MAGI2: variants seen among roughly 807,000 people sequenced by gnomAD.
MAGI2 encodes the protein membrane-associated guanylate kinase, WW and PDZ domain-containing protein 2.
A neutral mutation model predicts 133.3 loss-of-function variants in MAGI2; 35 were observed. The ratio of observed to expected loss-of-function variants is 0.26; its 90% CI spans 0.20 to 0.35. MAGI2 has a LOEUF of 0.35. Ranked by LOEUF, MAGI2 falls within the 10% of genes least tolerant of loss-of-function variation. The probability of loss-of-function intolerance (pLI) is 1.00; values close to 1 mark genes in which losing one functional copy is unlikely to be tolerated. For synonymous variants in MAGI2, 729 were observed against 710.6 expected, an observed-to-expected ratio of 1.03 and a Z score of -0.41; for missense variants, 1,636 against 1,863.4, an observed-to-expected ratio of 0.88 and a Z score of 2.25.
At chr7:79,210,665 C>T (rs915569338) in intron 1 of MAGI2, among the ~76,000 whole-genome samples, 4 of 152,042 alleles carry the variant, frequency 2.6e-5, no homozygotes, top group African/African-American at 9.7e-5. Flanking sequence ...CTCATGTGCG[C>T]ATGCCATCTG....
At chr7:78,314,148 G>A (rs532838319) in intron 9 of MAGI2, among the ~76,000 whole-genome samples, 1 of 152,264 alleles carries the variant, frequency 6.6e-6, no homozygotes, top group South Asian at 2.1e-4. Context: ...AAATAAGACT[G>A]TAATGGACTC....
At chr7:78,836,218 T>G (rs1791607330) in intron 2 of MAGI2, among the ~76,000 whole-genome samples, 1 of 152,168 alleles carries the variant, frequency 6.6e-6, no homozygotes, top group Admixed American at 6.5e-5. Flanking sequence ...CCTCCACCTT[T>G]CTTACAAAAC....
chr7:78,327,490 TTG>T (rs1284275516), intron 9 of MAGI2, among the ~76,000 whole-genome samples: 6 of 152,128 alleles, frequency 3.9e-5, no homozygotes, highest in Non-Finnish European at 5.9e-5. Context: ...ACGCAGATGG[TTG>T]TGTTACCTCT....
intron 9 of MAGI2, among the ~76,000 whole-genome samples, chr7:78,305,115 G>A (rs1372610375): frequency 3.3e-5 from 5 of 152,082 alleles, no homozygotes; most frequent in Non-Finnish European, 7.4e-5. Context: ...GTTCTAGTGG[G>A]GACTCAATGA....
chr7:79,277,255 A>G (rs1835298756), intron 1 of MAGI2, among the ~76,000 whole-genome samples: 2 of 152,286 alleles, frequency 1.3e-5, no homozygotes, highest in South Asian at 2.1e-4. Flanking sequence ...TCATCAGCAC[A>G]TTGATTATGA....
intron 2 of MAGI2, among the ~76,000 whole-genome samples, chr7:78,820,117 G>C (rs966074021): frequency 6.6e-6 from 1 of 151,894 alleles, no homozygotes; most frequent in African/African-American, 2.4e-5. Flanking sequence ...TGAAAAAATG[G>C]TGACATTGGA....
At chr7:78,947,542 G>A (rs1801519755) in intron 2 of MAGI2, among the ~76,000 whole-genome samples, 1 of 152,056 alleles carries the variant, frequency 6.6e-6, no homozygotes, top group South Asian at 2.1e-4. Flanking sequence ...AGTATAACAT[G>A]GCCCTTCTCA....
At chr7:78,031,512 A>G (rs571179291) in intron 21 of MAGI2, among the ~76,000 whole-genome samples, 1 of 152,314 alleles carries the variant, frequency 6.6e-6, no homozygotes, top group South Asian at 2.1e-4. Context: ...GTCCCTCACC[A>G]TTGGCTCAAG....
rs573157999 is a variant in MAGI2, at chr7:78,784,223, A to C, written c.419-156984T>G. ...TTTAGGTTTTTTTTTTTTTCTTACT[A>C]ATGTTGGGGCTCAGGAAACAATATC... On this transcript the variant is annotated intron_variant, in intron 2 of 21. Coordinates refer to ENST00000354212, the MANE Select transcript of MAGI2 (RefSeq NM_012301.4). 5.4e-5 allele frequency among the ~76,000 whole-genome samples: 8 copies of C among 147,942 alleles called. No individual in the cohort carries two copies. In the South Asian group the frequency reaches 1.1e-3, roughly 20 times the overall value.
intron 2 of MAGI2, among the ~76,000 whole-genome samples, chr7:78,776,439 C>T (rs1160434471): frequency 1.3e-5 from 2 of 152,152 alleles, no homozygotes; most frequent in South Asian, 4.1e-4. Flanking sequence ...TTATGATCTC[C>T]TTTTGGCAGG....
chr7:78,019,370 C>G lies in MAGI2; in HGVS notation c.4313G>C (p.Gly1438Ala). ...AVAPGPWKVP[G>A]SDKLPSVLKP... is the part of the protein sequence containing the mutation. Reference sequence around the variant, plus strand: ...GAGGACGCTGGGCAGCTTGTCAGAACCCGGCACCTTCCAGGGCCCCGGCGC... The same window carrying G: ...GAGGACGCTGGGCAGCTTGTCAGAAGCCGGCACCTTCCAGGGCCCCGGCGC... The change falls in exon 22 of 22, where the codon GGT (glycine) becomes GCT (alanine). Residue 1438 changes from glycine (G) to alanine (A), a missense_variant. Gly to Ala is a moderately conservative substitution (Grantham distance 60). Coordinates refer to ENST00000354212, the MANE Select transcript of MAGI2 (RefSeq NM_012301.4). 1 of 1,449,602 alleles carries G rather than the reference C, an allele frequency of 6.9e-7. No individual in the cohort carries two copies. Among genetic ancestry groups the G allele is most frequent in the South Asian group, 1.3e-5 (1 of 74,758 alleles). The allele number at this position is 1,449,602 out of a possible 1,614,324, so 89.8% of individuals were successfully genotyped here.
chr7:79,263,756 C>T (rs1203347304), intron 1 of MAGI2, among the ~76,000 whole-genome samples: 1 of 151,940 alleles, frequency 6.6e-6, no homozygotes, highest in Non-Finnish European at 1.5e-5. Flanking sequence ...TTCATTGACA[C>T]CCTGAGGCTA....
At chr7:78,512,083 A>G (rs985108082) in intron 4 of MAGI2, among the ~76,000 whole-genome samples, 1 of 151,788 alleles carries the variant, frequency 6.6e-6, no homozygotes, top group Non-Finnish European at 1.5e-5. Flanking sequence ...AGATCGTGCC[A>G]CTGCACTCCA....
chr7:78,167,636 A>G (rs748208108), intron 15 of MAGI2, among the ~76,000 whole-genome samples: 2 of 152,222 alleles, frequency 1.3e-5, no homozygotes, highest in Non-Finnish European at 2.9e-5. Flanking sequence ...AGAAACTACC[A>G]GAAAGCAGAG....
chr7:79,355,180 CCT>C (rs1276016311), intron 1 of MAGI2, among the ~76,000 whole-genome samples: 13 of 152,286 alleles, frequency 8.5e-5, no homozygotes, highest in African/African-American at 2.6e-4. Context: ...GATTCTTCCC[CCT>C]CTCACTCTCC....
intron 1 of MAGI2, among the ~76,000 whole-genome samples, chr7:79,443,650 T>A: frequency 6.6e-6 from 1 of 152,194 alleles, no homozygotes; most frequent in Non-Finnish European, 1.5e-5. Context: ...TGTATGCAAT[T>A]GTTTTTGTAT....
chr7:78,537,170 TACACACACACACACACACACAC>T (rs3086437), intron 3 of MAGI2, among the ~76,000 whole-genome samples: 1 of 146,202 alleles, frequency 6.8e-6, no homozygotes, highest in South Asian at 2.2e-4. Context: ...AGTATTCCAC[TACACACACACACACACACACAC>T]ACACACACAC....
At chr7:78,164,572 G>C (rs1392385702) in intron 15 of MAGI2, among the ~76,000 whole-genome samples, 2 of 152,208 alleles carry the variant, frequency 1.3e-5, no homozygotes, top group African/African-American at 4.8e-5. Flanking sequence ...AATGCATTTA[G>C]AATTGGCAAA....
chr7:78,244,000 A>G (rs1385250059), intron 10 of MAGI2, among the ~76,000 whole-genome samples: 3 of 151,486 alleles, frequency 2.0e-5, no homozygotes, highest in Non-Finnish European at 4.4e-5. Context: ...TAGAAAAACT[A>G]CCAGCCAACC....
Sources: gnomAD v4.1 joint callset for allele counts (sites outside exome capture counted in the v4.1 genomes callset) on GRCh38, gnomAD v4.1.1 for gene constraint, MANE v1.5 for transcripts, NCBI Gene and HGNC (gene_info 2026-07-23, HGNC 2026-07-21) for gene names.